SHISA9: variants seen among roughly 807,000 people sequenced by gnomAD.
The protein encoded by SHISA9 is shisa family member 9.
SHISA9 carries 13 observed loss-of-function variants against 38.0 expected under a neutral mutation model. The observed-to-expected ratio is 0.34, with a 90% confidence interval of 0.22 to 0.54. SHISA9 has a LOEUF of 0.54. SHISA9 is among the 20% of genes least tolerant of loss of function. The pLI is 0.91. For synonymous variants in SHISA9, 275 were observed against 242.0 expected (o/e 1.14, Z -1.27); for missense variants, 538 against 575.8 (o/e 0.93, Z 0.67).
intron 2 of SHISA9, among the ~76,000 whole-genome samples, chr16:13,074,511 C>T (rs1004109642): frequency 3.3e-5 from 5 of 152,108 alleles, no homozygotes; most frequent in East Asian, 3.8e-4. Flanking sequence ...CTTGAGGATA[C>T]GGTGAGTAAA....
In SHISA9 at chr16:13,239,593, A is replaced by T. The variant is rs1307167940; in HGVS notation, c.*4184A>T. On this transcript the variant is annotated 3_prime_UTR_variant, in exon 5 of 5. Transcript: ENST00000558583. ...TGCATTTCTCTGATGGCCAGTGATGATGAGCATTTTTTCATGTGTCTTTTG... is the reference window on the plus strand; with the variant it reads ...TGCATTTCTCTGATGGCCAGTGATGTTGAGCATTTTTTCATGTGTCTTTTG... The T allele has an allele frequency of 6.6e-6, 1 of 152,150 alleles. No homozygotes were observed. Among genetic ancestry groups the T allele is most frequent in the Non-Finnish European group, 1.5e-5 (1 of 68,034 alleles). 9.4% of individuals were successfully genotyped at this position (152,150 alleles called of 1,614,324 possible). A position where few individuals can be genotyped will look rare whatever the true frequency, so the allele number is the denominator to read the frequency against.
the SHISA9 span, among the ~76,000 whole-genome samples, chr16:13,452,497 A>C: frequency 4.6e-5 from 7 of 152,306 alleles, no homozygotes; most frequent in South Asian, 1.0e-3. Context: ...GAGAGAAACA[A>C]CAGAGCTAAA....
At chr16:13,231,652 T>G (rs966315547) in intron 4 of SHISA9, among the ~76,000 whole-genome samples, 1 of 152,202 alleles carries the variant, frequency 6.6e-6, no homozygotes, top group Non-Finnish European at 1.5e-5. Flanking sequence ...TAAACTCAAC[T>G]TAAACTGTAT....
the SHISA9 span, among the ~76,000 whole-genome samples, chr16:13,451,889 C>T: frequency 6.6e-6 from 1 of 152,160 alleles, no homozygotes; most frequent in Non-Finnish European, 1.5e-5. Flanking sequence ...TGCTTTCATT[C>T]TTCTCAGGGC....
At chr16:12,950,778 T>G (rs543836665) in intron 2 of SHISA9, among the ~76,000 whole-genome samples, 36 of 151,998 alleles carry the variant, frequency 2.4e-4, no homozygotes, top group African/African-American at 8.7e-4. Flanking sequence ...AAATTTTTTT[T>G]TTTGTATTTT....
intron 2 of SHISA9, among the ~76,000 whole-genome samples, chr16:13,200,122 G>T (rs949389148): frequency 6.6e-6 from 1 of 152,110 alleles, no homozygotes; most frequent in African/African-American, 2.4e-5. Context: ...TCCAGAGTGG[G>T]ATTAAACTCC....
chr16:13,359,885 T>C, the SHISA9 span, among the ~76,000 whole-genome samples: 2 of 152,208 alleles, frequency 1.3e-5, no homozygotes, highest in Non-Finnish European at 2.9e-5. Context: ...CAGCAAAGGA[T>C]GCTAGAAGCC....
the SHISA9 span, among the ~76,000 whole-genome samples, chr16:13,490,478 T>C: frequency 6.6e-6 from 1 of 152,180 alleles, no homozygotes; most frequent in South Asian, 2.1e-4. Context: ...GGTGGGAAGA[T>C]CACTTGAGCC....
chr16:13,144,398 GC>G (rs1322080352), intron 2 of SHISA9, among the ~76,000 whole-genome samples: 1 of 152,000 alleles, frequency 6.6e-6, no homozygotes, highest in African/African-American at 2.4e-5. Flanking sequence ...TGATCTACCT[GC>G]CTCGGCCTCC....
chr16:13,552,407 G>A, the SHISA9 span, among the ~76,000 whole-genome samples: 5 of 152,024 alleles, frequency 3.3e-5, no homozygotes, highest in African/African-American at 1.2e-4. Context: ...CACCGAGGTG[G>A]GAAGGGCAGG....
the SHISA9 span, among the ~76,000 whole-genome samples, chr16:13,284,619 A>T: frequency 6.6e-6 from 1 of 152,146 alleles, no homozygotes; most frequent in Non-Finnish European, 1.5e-5. Context: ...TTACTGTAAG[A>T]CAGAGTCTTG....
At chr16:13,062,130 C>G (rs1316638124) in intron 2 of SHISA9, among the ~76,000 whole-genome samples, 1 of 151,716 alleles carries the variant, frequency 6.6e-6, no homozygotes, top group African/African-American at 2.4e-5. Context: ...GAATCTCAGA[C>G]AAACAACGGG....
At chr16:12,908,754 G>A in intron 1 of SHISA9, 1 of 1,406,238 alleles carries the variant, frequency 7.1e-7, no homozygotes, top group Non-Finnish European at 9.2e-7. Context: ...TTCTATATCG[G>A]CCCCGGCAGG....
At chr16:13,117,842 C>T (rs147954940) in intron 2 of SHISA9, among the ~76,000 whole-genome samples, 45 of 152,114 alleles carry the variant, frequency 3.0e-4, no homozygotes, top group African/African-American at 9.1e-4. Flanking sequence ...TCTGGCTCTG[C>T]GGGAGCCTTT....
intron 2 of SHISA9, among the ~76,000 whole-genome samples, chr16:13,150,521 T>C (rs530951813): frequency 1.3e-5 from 2 of 152,328 alleles, no homozygotes; most frequent in East Asian, 1.9e-4. Flanking sequence ...AACTCCAAGA[T>C]AGTGAGATTA....
At chr16:13,025,423 C>G (rs1428279508) in intron 2 of SHISA9, among the ~76,000 whole-genome samples, 1 of 152,190 alleles carries the variant, frequency 6.6e-6, no homozygotes, top group East Asian at 1.9e-4. Flanking sequence ...ACACCACTTC[C>G]CTAGATGACT....
intron 1 of SHISA9, among the ~76,000 whole-genome samples, chr16:12,904,279 T>C (rs2071063875): frequency 6.6e-6 from 1 of 152,256 alleles, no homozygotes; most frequent in African/African-American, 2.4e-5. Flanking sequence ...GTAGGCTGCC[T>C]TGCAGATTTG....
chr16:13,503,899 A>G, the SHISA9 span, among the ~76,000 whole-genome samples: 1 of 152,246 alleles, frequency 6.6e-6, no homozygotes, highest in South Asian at 2.1e-4. Context: ...AGCCCACGAT[A>G]GAATAAACAG....
At chr16:13,303,017 T>C in the SHISA9 span, among the ~76,000 whole-genome samples, 9 of 152,230 alleles carry the variant, frequency 5.9e-5, no homozygotes, top group Non-Finnish European at 1.2e-4. Context: ...CCTCTTCCTT[T>C]ATAAATTACC....
Sources: allele counts gnomAD v4.1 joint callset (sites outside exome capture counted in the v4.1 genomes callset), GRCh38; gene constraint gnomAD v4.1.1; transcripts MANE v1.5; gene names NCBI Gene and HGNC (gene_info 2026-07-23, HGNC 2026-07-21).